Variants in EDIL3 observed in about 807,000 individuals in gnomAD.
EDIL3 encodes EGF-like repeat and discoidin I-like domain-containing protein 3.
Under a neutral mutation model 67.4 loss-of-function variants are expected in EDIL3, and 37 were observed. The ratio of observed to expected loss-of-function variants is 0.55; its 90% CI spans 0.42 to 0.72. The LOEUF is 0.72. EDIL3 is among the 30% of genes least tolerant of loss of function. EDIL3 has a pLI of 0.00. For synonymous variants in EDIL3, 195 were observed against 196.3 expected, an observed-to-expected ratio of 0.99 and a Z score of 0.05; for missense variants, 527 against 586.3, an observed-to-expected ratio of 0.90 and a Z score of 1.04.
At chr5:84,163,811 A>G (rs1336468689) in intron 4 of EDIL3, among the ~76,000 whole-genome samples, 1 of 152,158 alleles carries the variant, frequency 6.6e-6, no homozygotes, top group African/African-American at 2.4e-5. Flanking sequence ...GAGAATGATT[A>G]TCCATACTAG....
chr5:84,073,269 C>A (rs1746778198), intron 6 of EDIL3, among the ~76,000 whole-genome samples: 1 of 152,154 alleles, frequency 6.6e-6, no homozygotes, highest in Non-Finnish European at 1.5e-5. Flanking sequence ...TGGAAGCATT[C>A]CCTTTGAAAA....
chr5:83,975,019 A>G (rs918789144), intron 9 of EDIL3, among the ~76,000 whole-genome samples: 3 of 152,168 alleles, frequency 2.0e-5, no homozygotes, highest in South Asian at 2.1e-4. Flanking sequence ...TGATTTAATG[A>G]GTATATTTTA....
At chr5:84,282,014 C>G (rs1009651262) in intron 1 of EDIL3, among the ~76,000 whole-genome samples, 1 of 150,816 alleles carries the variant, frequency 6.6e-6, no homozygotes, top group Non-Finnish European at 1.5e-5. Context: ...TTACAGGTGC[C>G]GGCCACTACA....
chr5:83,965,252 T>TTTAAGTCAAAACAAAAAAA (rs1744669719), intron 9 of EDIL3, among the ~76,000 whole-genome samples: 1 of 152,108 alleles, frequency 6.6e-6, no homozygotes, highest in South Asian at 2.1e-4. Context: ...CTGACAGCAA[T>TTTAAGTCAAAACAAAAAAA]TTAAGTCAAA....
chr5:83,969,861 C>T (rs1007968259), intron 9 of EDIL3, among the ~76,000 whole-genome samples: 7 of 151,762 alleles, frequency 4.6e-5, no homozygotes, highest in Non-Finnish European at 1.0e-4. Flanking sequence ...GGGTAATTAT[C>T]ATGTCTATCA....
chr5:84,045,655 A>G (rs73769708), intron 9 of EDIL3, among the ~76,000 whole-genome samples: 2,128 of 152,314 alleles, frequency 0.014, 56 homozygotes, highest in African/African-American at 0.05. Flanking sequence ...CAATACAGAA[A>G]AGGCTTTGTC....
Position 84,233,745 on chromosome 5 carries a change from G to C in EDIL3, c.197-3861C>G, listed in dbSNP as rs866752162. ...GGGGAGAGGCTCTTGGAAAAAAAAG[G>C]CCTCCTCACTCTTCTCAGAAAGTGT... On this transcript the variant is annotated intron_variant, in intron 2 of 10. Transcript: ENST00000296591. 1.4e-4 allele frequency among the ~76,000 whole-genome samples: 22 copies of C among 152,152 alleles called. No homozygotes were observed. The South Asian group carries it at 1.4e-3, about 10-fold the overall frequency.
intron 4 of EDIL3, among the ~76,000 whole-genome samples, chr5:84,178,634 G>A (rs1023584957): frequency 7.2e-5 from 11 of 152,088 alleles, no homozygotes; most frequent in Admixed American, 3.9e-4. Flanking sequence ...CAATTTGTAC[G>A]TCTAAAAATC....
chr5:84,211,422 A>G (rs572309242), intron 3 of EDIL3, among the ~76,000 whole-genome samples: 5 of 152,334 alleles, frequency 3.3e-5, no homozygotes, highest in African/African-American at 1.2e-4. Context: ...CTGCAGAACT[A>G]TGAGCCAAAT....
chr5:84,151,919 T>C (rs184702336), intron 4 of EDIL3, among the ~76,000 whole-genome samples: 3 of 151,858 alleles, frequency 2.0e-5, no homozygotes, highest in South Asian at 2.1e-4. Context: ...TTTTTTTTTT[T>C]TTTCTTTTTT....
chr5:83,949,893 C>G (rs934150130), intron 10 of EDIL3, among the ~76,000 whole-genome samples: 6 of 151,812 alleles, frequency 4.0e-5, no homozygotes, highest in Non-Finnish European at 4.4e-5. Flanking sequence ...CTGGGCCACA[C>G]CAGATAGCCT....
At chr5:84,140,287 C>A (rs1748167171) in intron 4 of EDIL3, among the ~76,000 whole-genome samples, 1 of 151,964 alleles carries the variant, frequency 6.6e-6, no homozygotes, top group East Asian at 1.9e-4. Flanking sequence ...AAAATCAAAC[C>A]CAGCTCTTGC....
At chr5:84,133,854 T>C (rs1561441300) in intron 5 of EDIL3, among the ~76,000 whole-genome samples, 1 of 152,010 alleles carries the variant, frequency 6.6e-6, no homozygotes, top group Admixed American at 6.6e-5. Context: ...AGTAAATAAA[T>C]TGTATGAATC....
rs113734773 is a variant in EDIL3, at chr5:84,384,219, G to C, written c.67+89C>G. On this transcript the variant is annotated intron_variant, in intron 1 of 10. Transcript: ENST00000296591. Reference sequence around the variant, plus strand: ...CGGCGCTCGCCACCCTTGGCACGCCGGAGGGACCGCCTCCGGCCCCCTGCG... The same window carrying C: ...CGGCGCTCGCCACCCTTGGCACGCCCGAGGGACCGCCTCCGGCCCCCTGCG... 3.4e-4 allele frequency: 510 copies of C among 1,487,762 alleles called. 4 individuals are homozygous for C. The African/African-American group carries it at 6.0e-3, about 18-fold the overall frequency. 92.2% of individuals were successfully genotyped at this position (1,487,762 alleles called of 1,614,324 possible). A position where few individuals can be genotyped will look rare whatever the true frequency, so the allele number is the denominator to read the frequency against.
At chr5:84,367,700 T>C (rs967659504) in intron 1 of EDIL3, among the ~76,000 whole-genome samples, 6 of 152,132 alleles carry the variant, frequency 3.9e-5, no homozygotes, top group African/African-American at 1.4e-4. Flanking sequence ...GGCGAATCCC[T>C]TGAATCCAGG....
At chr5:84,338,125 C>T (rs918380369) in intron 1 of EDIL3, among the ~76,000 whole-genome samples, 1 of 152,036 alleles carries the variant, frequency 6.6e-6, no homozygotes, top group African/African-American at 2.4e-5. Context: ...AATACTAATA[C>T]TCTTTACTAA....
intron 1 of EDIL3, among the ~76,000 whole-genome samples, chr5:84,268,716 T>G (rs1745400288): frequency 6.6e-6 from 1 of 152,192 alleles, no homozygotes; most frequent in Non-Finnish European, 1.5e-5. Flanking sequence ...TCACAAGATT[T>G]TAACCATGGC....
At chr5:84,131,530 C>T (rs968128739) in intron 5 of EDIL3, among the ~76,000 whole-genome samples, 1 of 152,126 alleles carries the variant, frequency 6.6e-6, no homozygotes, top group Admixed American at 6.6e-5. Flanking sequence ...AACTGCAATG[C>T]CTGGGATTAA....
intron 1 of EDIL3, among the ~76,000 whole-genome samples, chr5:84,313,433 C>T (rs1278859259): frequency 6.6e-6 from 1 of 152,106 alleles, no homozygotes; most frequent in Non-Finnish European, 1.5e-5. Flanking sequence ...TAAAACTCAG[C>T]CTGATTCTAA....
Sources: allele counts gnomAD v4.1 joint callset (sites outside exome capture counted in the v4.1 genomes callset), GRCh38; gene constraint gnomAD v4.1.1; transcripts MANE v1.5; gene names NCBI Gene and HGNC (gene_info 2026-07-23, HGNC 2026-07-21).